Variants in SLIT3 observed in about 807,000 individuals in gnomAD.
SLIT3 encodes the protein slit homolog 3 protein.
Under a neutral mutation model 184.0 loss-of-function variants are expected in SLIT3, and 68 were observed. The ratio of observed to expected loss-of-function variants is 0.37; its 90% CI spans 0.30 to 0.45. The LOEUF (loss-of-function observed/expected upper bound fraction) is 0.45, where lower values mean the gene tolerates loss of function less well. Among genes scored for constraint, SLIT3 ranks in the 20% least tolerant of loss-of-function variants. The pLI, the probability that SLIT3 is intolerant of heterozygous loss-of-function variation, is 1.00. For synonymous variants in SLIT3, 831 were observed against 828.6 expected, an observed-to-expected ratio of 1.00 and a Z score of -0.05; for missense variants, 1,707 against 2,026.0, an observed-to-expected ratio of 0.84 and a Z score of 3.02.
chr5:169,256,141 CTTTCT>C lies in SLIT3; in HGVS notation c.198-4687_198-4683del, dbSNP rs555779354. ...TTATACCGTATCTTTATTTTTGTGC[CTTTCT>C]TTTCTATGTCTGATATTTAGCCAGT... On this transcript the variant is annotated intron_variant, in intron 1 of 35. Coordinates refer to ENST00000519560, the MANE Select transcript of SLIT3 (RefSeq NM_003062.4). Among the ~76,000 whole-genome samples, 43 of 151,812 alleles carry C rather than the reference CTTTCT, an allele frequency of 2.8e-4. 1 individual carries two copies. In the South Asian group the frequency reaches 6.3e-3, roughly 22 times the overall value.
chr5:168,961,884 G>GTGTGTGTA (rs1274215046), intron 4 of SLIT3, among the ~76,000 whole-genome samples: 3 of 150,964 alleles, frequency 2.0e-5, no homozygotes, highest in African/African-American at 7.3e-5. Context: ...GTGTGTGTGT[G>GTGTGTGTA]TATGTGTGAA....
chr5:168,808,845 T>C (rs1757074535), intron 8 of SLIT3, among the ~76,000 whole-genome samples: 1 of 152,172 alleles, frequency 6.6e-6, no homozygotes, highest in South Asian at 2.1e-4. Flanking sequence ...TCAGGGTGTT[T>C]GAAGTACAGA....
rs4042723 is a variant in SLIT3 at position 169,189,527 on chromosome 5, GATATATATATATATATATATATATATAT to G, written c.413+3924_413+3951del. Among the ~76,000 whole-genome samples, 216 of 80,316 alleles carry G rather than the reference GATATATATATATATATATATATATATAT, an allele frequency of 2.7e-3. 4 individuals carry two copies. The highest frequency in any genetic ancestry group is 8.2e-3 in the African/African-American group (160 of 19,454). The allele number at this position is 80,316 out of a possible 152,430, so 52.7% of individuals were successfully genotyped here. Reference sequence around the variant, plus strand: ...ACAGTACTGCTTCTTAGATAGATGGGATATATATATATATATATATATATATATATATATATATATATATATATATATG... The same window carrying G: ...ACAGTACTGCTTCTTAGATAGATGGGATATATATATATATATATATATATG... On this transcript the variant is annotated intron_variant, in intron 4 of 35. Coordinates refer to ENST00000519560, the MANE Select transcript of SLIT3 (RefSeq NM_003062.4).
intron 28 of SLIT3, 93 bp downstream of exon 28, chr5:168,696,199 G>GT: frequency 6.9e-7 from 1 of 1,456,616 alleles, no homozygotes; most frequent in South Asian, 1.2e-5. Flanking sequence ...TGTCCTCAGG[G>GT]AGAGAGGAAG....
intron 4 of SLIT3, among the ~76,000 whole-genome samples, chr5:169,084,849 G>A (rs940503756): frequency 2.6e-5 from 4 of 152,100 alleles, no homozygotes; most frequent in African/African-American, 9.7e-5. Flanking sequence ...GGCTTCCACT[G>A]GGAGGAAGGG....
At chr5:168,692,232 T>C (rs1231415906) in intron 29 of SLIT3, among the ~76,000 whole-genome samples, 1 of 152,202 alleles carries the variant, frequency 6.6e-6, no homozygotes, top group Non-Finnish European at 1.5e-5. Context: ...TAGACGCTGC[T>C]TCCCCAGTGG....
intron 12 of SLIT3, among the ~76,000 whole-genome samples, chr5:168,776,782 G>C (rs1406759086): frequency 6.6e-6 from 1 of 152,102 alleles, no homozygotes; most frequent in Non-Finnish European, 1.5e-5. Flanking sequence ...AGGACTCAAC[G>C]GGGTCCAGCA....
chr5:169,028,913 A>G (rs1756928920), intron 4 of SLIT3, among the ~76,000 whole-genome samples: 1 of 152,174 alleles, frequency 6.6e-6, no homozygotes, highest in Non-Finnish European at 1.5e-5. Flanking sequence ...CCTATAAATA[A>G]ATGTAGAATA....
chr5:168,750,688 G>C (rs1465800749), intron 18 of SLIT3, among the ~76,000 whole-genome samples: 1 of 152,106 alleles, frequency 6.6e-6, no homozygotes, highest in Non-Finnish European at 1.5e-5. Context: ...AAATGGACCA[G>C]TTCACTGATG....
chr5:169,223,548 A>G (rs1471434610), intron 3 of SLIT3, among the ~76,000 whole-genome samples: 1 of 152,206 alleles, frequency 6.6e-6, no homozygotes, highest in African/African-American at 2.4e-5. Context: ...AGCTCTGTTC[A>G]GGCCTCTATA....
intron 5 of SLIT3, among the ~76,000 whole-genome samples, chr5:168,858,128 G>A (rs939687554): frequency 5.3e-5 from 8 of 152,194 alleles, no homozygotes; most frequent in South Asian, 2.1e-4. Context: ...TTTAGAAAGC[G>A]AAGGCTAGAC....
intron 6 of SLIT3, among the ~76,000 whole-genome samples, chr5:168,827,131 A>G (rs1409985627): frequency 6.6e-6 from 1 of 152,154 alleles, no homozygotes; most frequent in Admixed American, 6.5e-5. Context: ...CCTCCATTTC[A>G]TGATTGAAGC....
intron 5 of SLIT3, among the ~76,000 whole-genome samples, chr5:168,879,616 T>C (rs1759876468): frequency 6.6e-6 from 1 of 152,206 alleles, no homozygotes; most frequent in African/African-American, 2.4e-5. Flanking sequence ...TCTGACTCCC[T>C]CTTATTAAAA....
chr5:169,244,888 G>A (rs1765535879), intron 2 of SLIT3, 112 bp from the exon 3 acceptor site: 1 of 896,412 alleles, frequency 1.1e-6, no homozygotes, highest in African/African-American at 1.6e-5. Context: ...GATCGTCAGT[G>A]TCCCTTCAAC....
intron 1 of SLIT3, among the ~76,000 whole-genome samples, chr5:169,294,044 T>C (rs6896194): frequency 6.6e-6 from 1 of 152,056 alleles, no homozygotes; most frequent in African/African-American, 2.4e-5. Context: ...ATCTAGCTTG[T>C]GATCAGCAGT....
intron 4 of SLIT3, among the ~76,000 whole-genome samples, chr5:169,192,267 G>C (rs988310405): frequency 2.0e-5 from 3 of 152,202 alleles, no homozygotes; most frequent in African/African-American, 7.2e-5. Context: ...GACTGAGCCA[G>C]AGAGATGGGG....
At chr5:169,251,504 T>A (rs755091284) in intron 1 of SLIT3, 45 bp from the exon 2 acceptor site, 8 of 1,291,836 alleles carry the variant, frequency 6.2e-6, no homozygotes, top group African/African-American at 1.5e-5. Context: ...TGGGTTACAA[T>A]TACGGTCTAT....
chr5:169,096,947 A>C (rs907159778), intron 4 of SLIT3, among the ~76,000 whole-genome samples: 4 of 152,230 alleles, frequency 2.6e-5, no homozygotes, highest in African/African-American at 7.2e-5. Flanking sequence ...GAAGAGGTAG[A>C]GTGCAGACAG....
chr5:168,980,618 G>T (rs1056556256), intron 4 of SLIT3, among the ~76,000 whole-genome samples: 1 of 152,112 alleles, frequency 6.6e-6, no homozygotes. Context: ...CTTCAGGAAG[G>T]CCCCAGAATA....
Sources: allele counts gnomAD v4.1 joint callset (sites outside exome capture counted in the v4.1 genomes callset), GRCh38; gene constraint gnomAD v4.1.1; transcripts MANE v1.5; gene names NCBI Gene and HGNC (gene_info 2026-07-23, HGNC 2026-07-21).